Variants in TPX2 observed in about 807,000 individuals in gnomAD.
TPX2 encodes the protein TPX2 microtubule nucleation factor.
Under a neutral mutation model 93.6 loss-of-function variants are expected in TPX2, and 21 were observed. That is an observed-to-expected ratio of 0.22 (90% confidence interval 0.16 to 0.32). The LOEUF is 0.32. Ranked by LOEUF, TPX2 falls within the 10% of genes least tolerant of loss-of-function variation. TPX2 has a pLI of 1.00. For synonymous variants in TPX2, 281 were observed against 298.3 expected, an observed-to-expected ratio of 0.94 and a Z score of 0.60; for missense variants, 776 against 871.1, an observed-to-expected ratio of 0.89 and a Z score of 1.37.
At position 31,792,814 on chromosome 20, in the gene TPX2, C is replaced by A; in HGVS notation, c.1493C>A (p.Pro498His). 1 of 1,614,140 alleles carries A rather than the reference C, an allele frequency of 6.2e-7. No individual in the cohort carries two copies. The highest frequency in any genetic ancestry group is 1.3e-5 in the African/African-American group (1 of 75,016). ...GCATTGAAGAACAGAATTCGAATGC[C>A]CACCAAAGAAGATGAGGTGATTCCC... Reference protein sequence around the residue: ...AFALKNRIRMPTKEDEEEDEP... With the variant: ...AFALKNRIRMHTKEDEEEDEP... The change falls in exon 13 of 18, where the codon CCC becomes CAC. Residue 498 changes from proline (P) to histidine (H), a missense_variant. Pro to His is a moderately conservative substitution (Grantham distance 77). Transcript: ENST00000300403.
chr20:31,800,914 T>C, intron 17 of TPX2, 56 bp from the exon 18 acceptor site: 1 of 1,359,270 alleles, frequency 7.4e-7, no homozygotes, highest in Non-Finnish European at 1.0e-6. Context: ...ATAAAAGCAA[T>C]TATAAGCGTA....
chr20:31,749,682 C>G (rs1309153957), intron 2 of TPX2, among the ~76,000 whole-genome samples: 3 of 151,826 alleles, frequency 2.0e-5, no homozygotes, highest in Non-Finnish European at 2.9e-5. Context: ...GTAATCCCAG[C>G]TACTCAGGAG....
intron 4 of TPX2, 145 bp from the exon 5 acceptor site, chr20:31,766,411 G>A (rs1051314625): frequency 1.1e-5 from 10 of 871,960 alleles, no homozygotes; most frequent in South Asian, 4.8e-5. Flanking sequence ...CTGGTCTTCT[G>A]TATAAGATTT....
intron 2 of TPX2, among the ~76,000 whole-genome samples, chr20:31,744,796 G>A (rs759475205): frequency 3.3e-5 from 5 of 152,106 alleles, no homozygotes; most frequent in African/African-American, 4.8e-5. Flanking sequence ...AAAAGAATGC[G>A]TATTTTTGGC....
chr20:31,756,948 A>G (rs2061856058), intron 2 of TPX2, among the ~76,000 whole-genome samples: 2 of 151,910 alleles, frequency 1.3e-5, no homozygotes, highest in African/African-American at 4.8e-5. Context: ...TTTAATTTCA[A>G]TTTTTTCTTT....
chr20:31,761,829 A>G (rs1391773927), intron 4 of TPX2, among the ~76,000 whole-genome samples: 1 of 152,206 alleles, frequency 6.6e-6, no homozygotes, highest in Non-Finnish European at 1.5e-5. Flanking sequence ...AGGAGCCTCC[A>G]TACTGTTTTC....
chr20:31,774,420 T>C (rs573012363), intron 7 of TPX2, among the ~76,000 whole-genome samples: 1 of 152,344 alleles, frequency 6.6e-6, no homozygotes, highest in Non-Finnish European at 1.5e-5. Context: ...TCCTTTTTAT[T>C]TTTTTTCTTA....
intron 3 of TPX2, among the ~76,000 whole-genome samples, chr20:31,759,074 C>A (rs1480418016): frequency 6.6e-6 from 1 of 151,970 alleles, no homozygotes; most frequent in East Asian, 1.9e-4. Context: ...TAATATATTA[C>A]TTTCCAATTT....
chr20:31,781,814 A>G (rs2123055728), intron 10 of TPX2, among the ~76,000 whole-genome samples: 1 of 152,060 alleles, frequency 6.6e-6, no homozygotes, highest in South Asian at 2.1e-4. Flanking sequence ...ATGGTGGTGC[A>G]TGCCTGTAAT....
intron 3 of TPX2, among the ~76,000 whole-genome samples, chr20:31,758,859 C>T (rs1369278585): frequency 6.6e-6 from 1 of 151,852 alleles, no homozygotes; most frequent in African/African-American, 2.4e-5. Flanking sequence ...AATGGCTGGG[C>T]TGTCTGAGGA....
rs575688051 is a variant in TPX2 at position 31,797,340 on chromosome 20, T to C, written c.1834-64T>C. On this transcript the variant is annotated intron_variant, in intron 15 of 17. Transcript: ENST00000300403. ...AGCAGTTCAGACATTAGAACTTAAG[T>C]TATTGAGGTAGTGGTCATAGAAAGG... is the stretch of plus-strand genomic sequence containing the variant. 3.6e-4 allele frequency: 514 copies of C among 1,427,096 alleles called. 3 individuals carry two copies. In the South Asian group the frequency reaches 5.6e-3, roughly 16 times the overall value. 88.4% of individuals were successfully genotyped at this position (1,427,096 alleles called of 1,614,324 possible).
chr20:31,791,357 C>T (rs1395347328), intron 12 of TPX2, among the ~76,000 whole-genome samples: 3 of 152,158 alleles, frequency 2.0e-5, no homozygotes, highest in African/African-American at 7.2e-5. Context: ...GATCTTGGCT[C>T]ACTGCAAGCT....
Position 31,800,992 on chromosome 20 carries a change from G to C in TPX2, c.2156G>C (p.Arg719Pro). The change falls in exon 18 of 18, where the codon CGC (arginine) becomes CCC (proline). Residue 719 changes from arginine to proline, a missense_variant. Coordinates refer to ENST00000300403, the MANE Select transcript of TPX2 (RefSeq NM_012112.5). The stretch of plus-strand genomic sequence containing the variant: ...CAGGTGCATAAGGCAAATCCAATAC[G>C]CAAGTACCAGGGTCTGGAGATAAAG... ...RELVHKANPI[R>P]KYQGLEIKSS... 6.2e-7 allele frequency: 1 copy of C among 1,614,104 alleles called. No individual in the cohort carries two copies. The highest frequency in any genetic ancestry group is 1.7e-5 in the Admixed American group (1 of 60,028).
chr20:31,769,208 T>TA lies in TPX2; in HGVS notation c.357-1123dup, dbSNP rs11477197. Among the ~76,000 whole-genome samples, 105 of 142,606 alleles carry TA rather than the reference T, an allele frequency of 7.4e-4. 1 individual carries two copies. Among genetic ancestry groups the TA allele is most frequent in the Middle Eastern group, 3.8e-3 (1 of 264 alleles). The allele number at this position is 142,606 out of a possible 152,430, so 93.6% of individuals were successfully genotyped here. On this transcript the variant is annotated intron_variant, in intron 5 of 17. Coordinates refer to ENST00000300403, the MANE Select transcript of TPX2 (RefSeq NM_012112.5). ...TACCCTAAAACTTAAAGTATAATAA[T>TA]AAAAAAAAAAAACCACAAAATTTTT...
chr20:31,750,174 T>C (rs1475803730), intron 2 of TPX2, among the ~76,000 whole-genome samples: 1 of 151,296 alleles, frequency 6.6e-6, no homozygotes, highest in African/African-American at 2.4e-5. Context: ...TTTTTTTTTT[T>C]GAGACGGAGT....
intron 15 of TPX2, among the ~76,000 whole-genome samples, chr20:31,796,638 C>T (rs946168678): frequency 4.6e-5 from 7 of 151,476 alleles, no homozygotes; most frequent in African/African-American, 1.5e-4. Flanking sequence ...CTAACATGTT[C>T]CTCTGTTGCT....
intron 2 of TPX2, among the ~76,000 whole-genome samples, chr20:31,749,150 G>A (rs1373158318): frequency 6.6e-6 from 1 of 152,020 alleles, no homozygotes; most frequent in African/African-American, 2.4e-5. Flanking sequence ...GTTTCACTGT[G>A]TTAGCCAGGA....
intron 6 of TPX2, 49 bp from the exon 7 acceptor site, chr20:31,771,511 C>A: frequency 6.3e-7 from 1 of 1,591,228 alleles, no homozygotes; most frequent in South Asian, 1.2e-5. Context: ...AGGGTACAGG[C>A]TATGCTTCAG....
intron 4 of TPX2, among the ~76,000 whole-genome samples, chr20:31,762,611 A>G (rs939269617): frequency 4.6e-5 from 7 of 151,968 alleles, no homozygotes; most frequent in African/African-American, 1.2e-4. Context: ...CGGCCTCCCA[A>G]AGTGCTGGGA....
Sources: gnomAD v4.1 joint callset for allele counts (sites outside exome capture counted in the v4.1 genomes callset) on GRCh38, gnomAD v4.1.1 for gene constraint, MANE v1.5 for transcripts, NCBI Gene and HGNC (gene_info 2026-07-23, HGNC 2026-07-21) for gene names.